COL22A1: variants seen among roughly 807,000 people sequenced by gnomAD.
The protein encoded by COL22A1 is collagen alpha-1(XXII) chain.
A neutral mutation model predicts 248.9 loss-of-function variants in COL22A1; 221 were observed. That is an observed-to-expected ratio of 0.89 (90% CI 0.80 to 0.99). COL22A1 has a LOEUF of 0.99. Ranked by LOEUF, COL22A1 falls within the 50% of genes least tolerant of loss-of-function variation. COL22A1 has a pLI of 0.00. For synonymous variants in COL22A1, 891 were observed against 793.4 expected (o/e 1.12, Z -2.07); for missense variants, 2,240 against 2,179.0 (o/e 1.03, Z -0.56).
At chr8:138,618,925 T>C (rs1268287408) in intron 53 of COL22A1, among the ~76,000 whole-genome samples, 1 of 152,192 alleles carries the variant, frequency 6.6e-6, no homozygotes, top group Admixed American at 6.5e-5. Context: ...ATATAGATGC[T>C]AGAATTCATA....
At chr8:138,657,021 G>A (rs1163162728) in intron 44 of COL22A1, among the ~76,000 whole-genome samples, 1 of 152,216 alleles carries the variant, frequency 6.6e-6, no homozygotes, top group East Asian at 1.9e-4. Flanking sequence ...AACTGCTGCA[G>A]TGGCCTGAAA....
At chr8:138,693,127 G>A (rs1321693436) in intron 35 of COL22A1, among the ~76,000 whole-genome samples, 3 of 152,176 alleles carry the variant, frequency 2.0e-5, no homozygotes, top group Admixed American at 1.3e-4. Flanking sequence ...AGGAACAAGT[G>A]CCAGCCCCAC....
At chr8:138,892,890 C>T (rs1825160944) in intron 1 of COL22A1, among the ~76,000 whole-genome samples, 1 of 152,220 alleles carries the variant, frequency 6.6e-6, no homozygotes, top group South Asian at 2.1e-4. Flanking sequence ...TGAGGCACTG[C>T]TGATGTGTTG....
At chr8:138,814,210 G>A (rs1225950774) in intron 7 of COL22A1, among the ~76,000 whole-genome samples, 5 of 152,182 alleles carry the variant, frequency 3.3e-5, no homozygotes, top group East Asian at 3.9e-4. Context: ...GCACATTCAC[G>A]CTTTAGCACG....
intron 43 of COL22A1, 97 bp downstream of exon 43, chr8:138,661,933 G>T: frequency 1.2e-6 from 1 of 844,704 alleles, no homozygotes; most frequent in Non-Finnish European, 1.8e-6. Context: ...TACAAAGTTG[G>T]CCACATGGTC....
At chr8:138,744,764 A>G (rs1313274111) in intron 22 of COL22A1, among the ~76,000 whole-genome samples, 1 of 152,240 alleles carries the variant, frequency 6.6e-6, no homozygotes, top group Non-Finnish European at 1.5e-5. Context: ...CTATTCAATC[A>G]ATGTTATTTC....
At chr8:138,800,468 C>A (rs1303604740) in intron 11 of COL22A1, among the ~76,000 whole-genome samples, 3 of 152,154 alleles carry the variant, frequency 2.0e-5, no homozygotes, top group Non-Finnish European at 4.4e-5. Context: ...AGAAGTAGAA[C>A]CACTACAGAT....
At chr8:138,882,408 A>G (rs1824280823) in intron 2 of COL22A1, among the ~76,000 whole-genome samples, 1 of 90,350 alleles carries the variant, frequency 1.1e-5, no homozygotes, top group Non-Finnish European at 2.8e-5. Flanking sequence ...AAACTCACAC[A>G]TATTCTCTCA....
chr8:138,849,136 A>T (rs140600237), intron 3 of COL22A1, among the ~76,000 whole-genome samples: 196 of 152,308 alleles, frequency 1.3e-3, no homozygotes, highest in African/African-American at 4.5e-3. Flanking sequence ...CATGGCAGAC[A>T]CAAGGGCCCA....
chr8:138,720,609 T>C (rs1829798805), intron 27 of COL22A1, 130 bp downstream of exon 27: 1 of 770,296 alleles, frequency 1.3e-6, no homozygotes, highest in Non-Finnish European at 2.3e-6. Context: ...TTTTCAAGTA[T>C]CTGATGTGTC....
chr8:138,756,930 CCA>C (rs1833054048), intron 18 of COL22A1, among the ~76,000 whole-genome samples: 1 of 152,292 alleles, frequency 6.6e-6, no homozygotes, highest in East Asian at 1.9e-4. Context: ...ACCTTGAGTG[CCA>C]GTTTTCTTCA....
rs78353705 is a variant in COL22A1, at chr8:138,831,360, T to C, written c.845+1679A>G. On this transcript the variant is annotated intron_variant, in intron 5 of 64. Coordinates refer to ENST00000303045, the MANE Select transcript of COL22A1 (RefSeq NM_152888.3). Reference sequence around the variant, plus strand: ...ATTCCCTACTCTGGGCAGGGCTTAGTTGGGTGCCGAGACTGTAGCAGAAAC... The same window carrying C: ...ATTCCCTACTCTGGGCAGGGCTTAGCTGGGTGCCGAGACTGTAGCAGAAAC... Among the ~76,000 whole-genome samples the C allele has an allele frequency of 6.0e-4, 92 of 152,314 alleles. No homozygotes were observed. In the East Asian group the frequency reaches 0.016, roughly 27 times the overall value.
chr8:138,691,965 C>CACGTTTGTGGAGGTGT, intron 35 of COL22A1, among the ~76,000 whole-genome samples: 1 of 87,892 alleles, frequency 1.1e-5, no homozygotes, highest in East Asian at 6.6e-4. Context: ...TGTGGAGGTG[C>CACGTTTGTGGAGGTGT]ATGTGTGGAG....
intron 30 of COL22A1, among the ~76,000 whole-genome samples, chr8:138,705,656 G>A (rs1223210651): frequency 2.6e-5 from 4 of 152,062 alleles, no homozygotes; most frequent in Non-Finnish European, 4.4e-5. Context: ...AGGAATAACC[G>A]GTACCAGCCA....
intron 60 of COL22A1, among the ~76,000 whole-genome samples, chr8:138,601,486 G>A (rs1818004752): frequency 6.6e-6 from 1 of 152,176 alleles, no homozygotes; most frequent in African/African-American, 2.4e-5. Flanking sequence ...CAGTGTGACA[G>A]CGTGAGGCTG....
chr8:138,901,408 C>G lies in COL22A1; in HGVS notation c.-73+12211G>C, dbSNP rs1814558382. ...TTGAGACAGTCTCTCACTCTATCCCCTAGGCTGGAGTGCAGTGGTGTGATC... is the reference window on the plus strand; with the variant it reads ...TTGAGACAGTCTCTCACTCTATCCCGTAGGCTGGAGTGCAGTGGTGTGATC... On this transcript the variant is annotated intron_variant, in intron 1 of 64. Coordinates refer to ENST00000303045, the MANE Select transcript of COL22A1 (RefSeq NM_152888.3). Among the ~76,000 whole-genome samples the G allele has an allele frequency of 2.2e-5, 3 of 134,390 alleles. No individual in the cohort carries two copies. The South Asian group carries it at 7.5e-4, about 34-fold the overall frequency. The allele number at this position is 134,390 out of a possible 152,430, so 88.2% of individuals were successfully genotyped here.
At chr8:138,778,548 G>T in intron 14 of COL22A1, 142 bp from the exon 15 acceptor site, 1 of 684,894 alleles carries the variant, frequency 1.5e-6, no homozygotes, top group South Asian at 2.0e-5. Context: ...TGTTGGCACA[G>T]GTCTCGCCAG....
intron 1 of COL22A1, among the ~76,000 whole-genome samples, chr8:138,884,418 C>A (rs1041169192): frequency 6.6e-6 from 1 of 152,206 alleles, no homozygotes; most frequent in Non-Finnish European, 1.5e-5. Flanking sequence ...TCAAGGGATT[C>A]CTGAACCTCA....
chr8:138,886,752 C>T (rs994579005), intron 1 of COL22A1, among the ~76,000 whole-genome samples: 21 of 152,140 alleles, frequency 1.4e-4, no homozygotes, highest in Admixed American at 3.3e-4. Context: ...ATGCTATGAG[C>T]TAGGAACCAC....
Sources: allele counts gnomAD v4.1 joint callset (sites outside exome capture counted in the v4.1 genomes callset), GRCh38; gene constraint gnomAD v4.1.1; transcripts MANE v1.5; gene names NCBI Gene and HGNC (gene_info 2026-07-23, HGNC 2026-07-21).